The following ADAMTS18 variants were observed in gnomAD, a reference collection of about 807,000 sequenced individuals.
ADAMTS18 encodes the protein A disintegrin and metalloproteinase with thrombospondin motifs 18.
A neutral mutation model predicts 165.9 loss-of-function variants in ADAMTS18; 157 were observed. The ratio of observed to expected loss-of-function variants is 0.95; its 90% CI spans 0.83 to 1.08. The LOEUF (loss-of-function observed/expected upper bound fraction) is 1.08. ADAMTS18 is among the 50% of genes least tolerant of loss of function. ADAMTS18 has a pLI of 0.00. For synonymous variants in ADAMTS18, 782 were observed against 578.2 expected (o/e 1.35, Z -5.06); for missense variants, 2,040 against 1,534.0 (o/e 1.33, Z -5.51).
At chr16:77,297,838 G>C (rs996591969) in intron 17 of ADAMTS18, among the ~76,000 whole-genome samples, 1 of 148,868 alleles carries the variant, frequency 6.7e-6, no homozygotes, top group Non-Finnish European at 1.5e-5. Context: ...TACTTCTTAA[G>C]AGCATGGGGC....
chr16:77,341,334 G>C (rs770538519), intron 11 of ADAMTS18, among the ~76,000 whole-genome samples: 1 of 152,092 alleles, frequency 6.6e-6, no homozygotes, highest in African/African-American at 2.4e-5. Flanking sequence ...CGAAGCCTTG[G>C]TCTGGAGGGA....
In ADAMTS18 at chr16:77,283,838, C is replaced by T. The variant is rs2055195212; in HGVS notation, c.*118G>A. 1.3e-6 allele frequency: 1 copy of T among 793,032 alleles called. No individual in the cohort carries two copies. The highest frequency in any genetic ancestry group is 1.7e-5 in the African/African-American group (1 of 58,248). The allele number at this position is 793,032 out of a possible 1,614,324, so 49.1% of individuals were successfully genotyped here. ...TGTTCCTCAGAGCAGGCTCCTTCAT[C>T]ACAGCGGCAGCTCACAGATGGTTCT... On this transcript the variant is annotated 3_prime_UTR_variant, in exon 23 of 23. Transcript: ENST00000282849.
intron 16 of ADAMTS18, among the ~76,000 whole-genome samples, chr16:77,300,995 A>G (rs928881468): frequency 1.7e-4 from 26 of 152,222 alleles, no homozygotes; most frequent in African/African-American, 6.0e-4. Context: ...CTTTCCATAG[A>G]AAATTTTCCC....
chr16:77,433,102 A>C (rs1403804216), intron 2 of ADAMTS18, among the ~76,000 whole-genome samples: 2 of 152,214 alleles, frequency 1.3e-5, no homozygotes, highest in African/African-American at 4.8e-5. Context: ...TCTCTTAAAA[A>C]TCTGATACAT....
intron 12 of ADAMTS18, among the ~76,000 whole-genome samples, chr16:77,331,038 T>G (rs2056180472): frequency 6.6e-6 from 1 of 152,216 alleles, no homozygotes; most frequent in South Asian, 2.1e-4. Flanking sequence ...TATGGCTTCA[T>G]GCAGAGTTAA....
intron 6 of ADAMTS18, among the ~76,000 whole-genome samples, chr16:77,363,186 G>A (rs2056741081): frequency 6.6e-6 from 1 of 152,170 alleles, no homozygotes; most frequent in South Asian, 2.1e-4. Flanking sequence ...TGAGTACCAT[G>A]TAATTTAACA....
chr16:77,363,769 T>A, intron 6 of ADAMTS18, 33 bp downstream of exon 6: 1 of 1,591,230 alleles, frequency 6.3e-7, no homozygotes, highest in East Asian at 2.2e-5. Flanking sequence ...AACGGCAGAC[T>A]GAATGAAGAC....
At chr16:77,345,764 T>C (rs143462779) in intron 10 of ADAMTS18, among the ~76,000 whole-genome samples, 1 of 152,194 alleles carries the variant, frequency 6.6e-6, no homozygotes, top group Non-Finnish European at 1.5e-5. Flanking sequence ...CAGAGAACAT[T>C]TGCATCATTA....
At chr16:77,299,456 C>T (rs117905933) in intron 17 of ADAMTS18, among the ~76,000 whole-genome samples, 109 of 152,212 alleles carry the variant, frequency 7.2e-4, no homozygotes, top group Non-Finnish European at 1.3e-3. Context: ...ATAAGAATTT[C>T]TTCATTTTCT....
chr16:77,323,610 A>C (rs1027149166), intron 13 of ADAMTS18, among the ~76,000 whole-genome samples: 1 of 151,872 alleles, frequency 6.6e-6, no homozygotes, highest in Non-Finnish European at 1.5e-5. Context: ...TGAGTCCATT[A>C]AAAACACAGA....
chr16:77,321,344 T>A, intron 14 of ADAMTS18, 142 bp from the exon 15 acceptor site: 1 of 1,088,984 alleles, frequency 9.2e-7, no homozygotes, highest in Non-Finnish European at 1.3e-6. Context: ...CAGCCTCAAG[T>A]TGGACTCACT....
At chr16:77,358,731 C>G (rs1197075718) in intron 8 of ADAMTS18, among the ~76,000 whole-genome samples, 1 of 152,142 alleles carries the variant, frequency 6.6e-6, no homozygotes, top group Non-Finnish European at 1.5e-5. Flanking sequence ...ACATCCTAAA[C>G]TGGTATATCT....
chr16:77,335,917 C>G lies in ADAMTS18; in HGVS notation c.1711-13G>C, dbSNP rs745410510. The stretch of plus-strand genomic sequence containing the variant: ...CTTGCCGACACCACTGTGAAAAGAA[C>G]GTGTAAGATGGTTCCCGTCAGAGAC... On this transcript the variant is annotated splice_polypyrimidine_tract_variant and intron_variant, in intron 11 of 22. Transcript: ENST00000282849. 1.2e-6 allele frequency: 2 copies of G among 1,614,022 alleles called. No homozygotes were observed. Among genetic ancestry groups the G allele is most frequent in the African/African-American group, 1.3e-5 (1 of 74,932 alleles).
At chr16:77,369,089 G>A (rs1704166637) in intron 3 of ADAMTS18, among the ~76,000 whole-genome samples, 1 of 152,210 alleles carries the variant, frequency 6.6e-6, no homozygotes, top group Non-Finnish European at 1.5e-5. Context: ...CCAGGAACCT[G>A]TGGGATTCAG....
chr16:77,319,354 G>C (rs779566580), intron 16 of ADAMTS18, among the ~76,000 whole-genome samples: 3 of 152,180 alleles, frequency 2.0e-5, no homozygotes, highest in Non-Finnish European at 2.9e-5. Context: ...TTCTCTTGGA[G>C]GCCATTTGGG....
chr16:77,287,202 G>T (rs947147566), intron 22 of ADAMTS18, among the ~76,000 whole-genome samples: 1 of 152,252 alleles, frequency 6.6e-6, no homozygotes, highest in African/African-American at 2.4e-5. Flanking sequence ...ACAGTGGGGG[G>T]CTCAGAGAAG....
rs116759136 is a variant in ADAMTS18 at position 77,381,425 on chromosome 16, T to G, written c.496-13702A>C. On this transcript the variant is annotated intron_variant, in intron 3 of 22. Transcript: ENST00000282849. ...GCCAAGTACCTGCTGTTCCTTTCCC[T>G]GCTTCAAAAGGACCAGAAAAACAAA... 5.3e-3 allele frequency among the ~76,000 whole-genome samples: 800 copies of G among 152,258 alleles called. 4 individuals carry two copies. The highest frequency in any genetic ancestry group is 0.014 in the East Asian group (75 of 5,178).
At chr16:77,411,047 A>G (rs1409472139) in intron 3 of ADAMTS18, among the ~76,000 whole-genome samples, 2 of 152,222 alleles carry the variant, frequency 1.3e-5, no homozygotes. Context: ...CCAATGAAAC[A>G]TGAATATCAA....
intron 12 of ADAMTS18, among the ~76,000 whole-genome samples, chr16:77,333,907 A>G (rs960472383): frequency 6.9e-6 from 1 of 145,412 alleles, no homozygotes; most frequent in African/African-American, 2.5e-5. Flanking sequence ...TATAATATAT[A>G]GTGTCCTATA....
Sources: gnomAD v4.1 joint callset for allele counts (sites outside exome capture counted in the v4.1 genomes callset) on GRCh38, gnomAD v4.1.1 for gene constraint, MANE v1.5 for transcripts, NCBI Gene and HGNC (gene_info 2026-07-23, HGNC 2026-07-21) for gene names.